The following INTS9 variants were observed in gnomAD, a reference collection of about 807,000 sequenced individuals.
INTS9 encodes integrator complex subunit 9, also known as protein related to CPSF subunits of 74 kDa.
Under a neutral mutation model 79.7 loss-of-function variants are expected in INTS9, and 55 were observed. The ratio of observed to expected loss-of-function variants is 0.69; its 90% CI spans 0.56 to 0.86. The LOEUF is 0.86. INTS9 is among the 40% of genes least tolerant of loss of function. INTS9 has a pLI of 0.00. For synonymous variants in INTS9, 319 were observed against 325.2 expected (o/e 0.98, Z 0.20); for missense variants, 721 against 831.5 (o/e 0.87, Z 1.64).
Position 28,870,946 on chromosome 8 carries a change from C to T in INTS9, c.10-11383G>A, listed in dbSNP as rs141199526. The stretch of plus-strand genomic sequence containing the variant: ...TAGTCACTTCAGATTTTCAAAGAAA[C>T]GGATTTCCAAACAGCTTTTGATAAA... On this transcript the variant is annotated intron_variant, in intron 1 of 16. Transcript: ENST00000521022. Among the ~76,000 whole-genome samples the T allele has an allele frequency of 1.2e-3, 186 of 152,240 alleles. 1 individual carries two copies. The highest frequency in any genetic ancestry group is 3.9e-3 in the African/African-American group (164 of 41,546).
chr8:28,817,586 C>T lies in INTS9; in HGVS notation c.489-3974G>A, dbSNP rs369940174. Among the ~76,000 whole-genome samples the T allele has an allele frequency of 3.0e-3, 455 of 152,228 alleles. 1 individual carries two copies. Among genetic ancestry groups the T allele is most frequent in the African/African-American group, 0.01 (430 of 41,522 alleles). ...TGCAGTATAGTTTGAAGTCAGGTAG[C>T]GTGATGCCTCCAGCTTTGTTCTTTT... On this transcript the variant is annotated intron_variant, in intron 6 of 16. Coordinates refer to ENST00000521022, the MANE Select transcript of INTS9 (RefSeq NM_018250.4).
intron 1 of INTS9, among the ~76,000 whole-genome samples, chr8:28,866,555 T>C (rs1808755887): frequency 6.6e-6 from 1 of 152,182 alleles, no homozygotes; most frequent in Admixed American, 6.5e-5. Context: ...TTTCACTGAG[T>C]ACTAGTACTG....
At chr8:28,823,945 G>C (rs1232676108) in intron 6 of INTS9, among the ~76,000 whole-genome samples, 1 of 152,094 alleles carries the variant, frequency 6.6e-6, no homozygotes, top group East Asian at 1.9e-4. Flanking sequence ...AAATATCAAT[G>C]ATCCATTTTC....
intron 1 of INTS9, among the ~76,000 whole-genome samples, chr8:28,889,580 C>T (rs1050684128): frequency 2.0e-5 from 3 of 152,144 alleles, no homozygotes; most frequent in African/African-American, 7.2e-5. Context: ...ACGTCCAAAC[C>T]TGGTTAACAG....
Position 28,812,451 on chromosome 8 carries a change from C to T in INTS9, c.620G>A (p.Gly207Asp). ...GCTCAGAGGAGTCACCTGGACCGCA[C>T]CAAAAAGCTCCTAAAAGAGAACCAC... ...VGYSQKIELFGAVQVTPLSSG... is the reference protein window; with the variant it reads ...VGYSQKIELFDAVQVTPLSSG... The change falls in exon 8 of 17, where the codon GGT becomes GAT. Residue 207 changes from glycine to aspartate, a missense_variant. Coordinates refer to ENST00000521022, the MANE Select transcript of INTS9 (RefSeq NM_018250.4). 6.2e-7 allele frequency: 1 copy of T among 1,613,098 alleles called. No homozygotes were observed. The highest frequency in any genetic ancestry group is 1.1e-5 in the South Asian group (1 of 90,826).
chr8:28,865,005 A>T (rs542361143), intron 1 of INTS9, among the ~76,000 whole-genome samples: 21 of 151,674 alleles, frequency 1.4e-4, no homozygotes, highest in African/African-American at 5.1e-4. Context: ...AAAAAAACAA[A>T]GTTTCAACTT....
intron 11 of INTS9, among the ~76,000 whole-genome samples, chr8:28,782,394 C>T (rs1420944797): frequency 2.6e-5 from 4 of 152,262 alleles, no homozygotes; most frequent in Non-Finnish European, 4.4e-5. Flanking sequence ...GGACCTCCTC[C>T]TGCAAAGCTA....
At chr8:28,784,325 G>A (rs1051247582) in intron 11 of INTS9, among the ~76,000 whole-genome samples, 1 of 152,200 alleles carries the variant, frequency 6.6e-6, no homozygotes, top group Admixed American at 6.5e-5. Context: ...TGACTGCAAA[G>A]GAAGCAAAAC....
At chr8:28,861,051 T>A (rs984859093) in intron 1 of INTS9, among the ~76,000 whole-genome samples, 1 of 152,254 alleles carries the variant, frequency 6.6e-6, no homozygotes, top group Non-Finnish European at 1.5e-5. Context: ...AGTTTATGTA[T>A]GATGATTATA....
At chr8:28,832,089 A>T (rs771810427) in intron 6 of INTS9, among the ~76,000 whole-genome samples, 4 of 152,202 alleles carry the variant, frequency 2.6e-5, no homozygotes, top group Admixed American at 6.5e-5. Context: ...ATTTAAGAGG[A>T]AGAAGGGAAG....
chr8:28,870,685 T>C (rs562986625), intron 1 of INTS9, among the ~76,000 whole-genome samples: 2 of 152,238 alleles, frequency 1.3e-5, no homozygotes, highest in African/African-American at 4.8e-5. Flanking sequence ...TCAAAATCAA[T>C]CATAAAGCAT....
chr8:28,845,753 T>C (rs1165645934), intron 4 of INTS9, among the ~76,000 whole-genome samples: 2 of 152,230 alleles, frequency 1.3e-5, no homozygotes, highest in African/African-American at 4.8e-5. Context: ...TCTGGATTCT[T>C]GGATTCTTTC....
chr8:28,786,908 G>A (rs181204976), intron 11 of INTS9, among the ~76,000 whole-genome samples: 2,375 of 152,098 alleles, frequency 0.016, 20 homozygotes, highest in Non-Finnish European at 0.02. Flanking sequence ...TAGTAGAGAC[G>A]GGGTTTCACT....
intron 8 of INTS9, chr8:28,798,504 C>CTT (rs1804340663): frequency 6.6e-6 from 1 of 152,092 alleles, no homozygotes; most frequent in South Asian, 2.1e-4. Flanking sequence ...GTAAACTTTT[C>CTT]TTTTTTCTTT....
At chr8:28,857,166 A>G (rs1426369741) in intron 2 of INTS9, among the ~76,000 whole-genome samples, 3 of 152,194 alleles carry the variant, frequency 2.0e-5, no homozygotes, top group African/African-American at 7.2e-5. Context: ...TATTATGAAT[A>G]GTGCTGAGCA....
At chr8:28,786,781 G>T (rs1402028839) in intron 11 of INTS9, among the ~76,000 whole-genome samples, 1 of 152,034 alleles carries the variant, frequency 6.6e-6, no homozygotes, top group Non-Finnish European at 1.5e-5. Flanking sequence ...GCAGTGGCGC[G>T]ATCTGGGCTC....
At chr8:28,774,190 A>G (rs1196046873) in intron 14 of INTS9, among the ~76,000 whole-genome samples, 3 of 152,234 alleles carry the variant, frequency 2.0e-5, no homozygotes, top group African/African-American at 4.8e-5. Context: ...TCCAGTAGGC[A>G]CACACACAGT....
chr8:28,841,393 TA>T (rs1471371055), intron 4 of INTS9, among the ~76,000 whole-genome samples: 2 of 152,148 alleles, frequency 1.3e-5, no homozygotes, highest in Non-Finnish European at 2.9e-5. Flanking sequence ...ACAATAAAGC[TA>T]AAAATCATCA....
At chr8:28,865,000 AAC>A (rs1554509825) in intron 1 of INTS9, among the ~76,000 whole-genome samples, 2 of 152,118 alleles carry the variant, frequency 1.3e-5, no homozygotes, top group Non-Finnish European at 2.9e-5. Context: ...AAAAAAAAAA[AAC>A]AAAGTTTCAA....
Sources: allele counts gnomAD v4.1 joint callset (sites outside exome capture counted in the v4.1 genomes callset), GRCh38; gene constraint gnomAD v4.1.1; transcripts MANE v1.5; gene names NCBI Gene and HGNC (gene_info 2026-07-23, HGNC 2026-07-21).